PCDHA12: variants seen among roughly 807,000 people sequenced by gnomAD.
PCDHA12 encodes the protein protocadherin alpha 12.
Under a neutral mutation model 60.0 loss-of-function variants are expected in PCDHA12, and 44 were observed. That is an observed-to-expected ratio of 0.73 (90% CI 0.58 to 0.94). The LOEUF is 0.94. Ranked by LOEUF, PCDHA12 falls within the 40% of genes least tolerant of loss-of-function variation. The probability of loss-of-function intolerance (pLI) is 0.00; values close to 1 mark genes in which losing one functional copy is unlikely to be tolerated. For missense variants in PCDHA12, 1,276 were observed against 1,239.7 expected (o/e 1.03, Z -0.44); for synonymous variants, 569 against 553.0 (o/e 1.03, Z -0.40).
intron 1 of PCDHA12, among the ~76,000 whole-genome samples, chr5:140,916,214 C>A (rs1294292456): frequency 6.6e-6 from 1 of 152,266 alleles, no homozygotes; most frequent in African/African-American, 2.4e-5. Flanking sequence ...TGGGGAAGAT[C>A]CAAATATGCT....
intron 3 of PCDHA12, among the ~76,000 whole-genome samples, chr5:141,009,180 T>C (rs1272195338): frequency 6.6e-6 from 1 of 152,170 alleles, no homozygotes; most frequent in Non-Finnish European, 1.5e-5. Context: ...CTTGGCTGGG[T>C]GTGGTAGCTC....
chr5:140,879,894 T>C (rs2153369518), intron 1 of PCDHA12, among the ~76,000 whole-genome samples: 1 of 152,348 alleles, frequency 6.6e-6, no homozygotes. Context: ...CTCCTCTCCA[T>C]GTCTCTCTCT....
At chr5:140,929,484 T>G (rs1445028927) in intron 1 of PCDHA12, 9 of 1,156,262 alleles carry the variant, frequency 7.8e-6, no homozygotes, top group Non-Finnish European at 1.0e-5. Flanking sequence ...AGTATAGAAG[T>G]ATTAGAAGAT....
chr5:140,883,313 G>T, intron 1 of PCDHA12: 1 of 1,614,118 alleles, frequency 6.2e-7, no homozygotes, highest in Non-Finnish European at 8.5e-7. Context: ...TAACGCCCCA[G>T]AGGTTACCAT....
intron 1 of PCDHA12, chr5:140,927,861 C>T (rs782305822): frequency 1.2e-6 from 2 of 1,614,042 alleles, no homozygotes; most frequent in East Asian, 2.2e-5. Context: ...TAGCTAGCAC[C>T]GCTAAACTGC....
In PCDHA12 at chr5:140,877,691, T is replaced by G; in HGVS notation, c.2219T>G (p.Val740Gly). ...TGCGCGCCGGGCAAGCCCACGCTGG[T>G]GTGCTCCAGCGCCGTGGGGAGTTGG... ...SRCAPGKPTL[V>G]CSSAVGSWSY... Residue 740 changes from valine to glycine, a missense_variant, in exon 1 of 4, where the codon GTG (valine) becomes GGG (glycine). Val to Gly is a moderately radical substitution (Grantham distance 109). Coordinates refer to ENST00000398631, the MANE Select transcript of PCDHA12 (RefSeq NM_018903.4). The G allele has an allele frequency of 6.2e-7, 1 of 1,613,746 alleles. No individual in the cohort carries two copies.
At chr5:140,952,879 G>C (rs1325308016) in intron 1 of PCDHA12, among the ~76,000 whole-genome samples, 1 of 152,094 alleles carries the variant, frequency 6.6e-6, no homozygotes, top group Non-Finnish European at 1.5e-5. Context: ...TTACAATCAT[G>C]GTGGAAGGCA....
chr5:140,962,068 G>C (rs2095654419), intron 1 of PCDHA12, among the ~76,000 whole-genome samples: 1 of 151,882 alleles, frequency 6.6e-6, no homozygotes, highest in African/African-American at 2.4e-5. Context: ...GTATTTTTTA[G>C]TAGAGACGGG....
rs2098413689 is a variant in PCDHA12, at chr5:141,009,672, A to G, written c.2561A>G (p.Asn854Ser). Residue 854 changes from asparagine to serine, a missense_variant, in exon 4 of 4, where the codon AAC becomes AGC. Physicochemically the swap from Asn to Ser is conservative, Grantham distance 46. Transcript: ENST00000398631. The stretch of plus-strand genomic sequence containing the variant: ...TCCCCTCCAGTCGGTGCGGGTGTCA[A>G]CAGCAACAGCTGGACCTTTAAATAC... ...EVSPPVGAGV[N>S]SNSWTFKYGP... is the part of the protein sequence containing the mutation. 6.2e-7 allele frequency: 1 copy of G among 1,614,102 alleles called. No homozygotes were observed. The highest frequency in any genetic ancestry group is 1.1e-5 in the South Asian group (1 of 91,070).
In PCDHA12 at chr5:140,927,920, T is replaced by C. The variant is rs782193396; in HGVS notation, c.2367+50081T>C. Reference sequence around the variant, plus strand: ...GATCATGCCCCCGAACTGGACTTCCTGACTCTTTCGAACCCAGTACCTGAG... The same window carrying C: ...GATCATGCCCCCGAACTGGACTTCCCGACTCTTTCGAACCCAGTACCTGAG... On this transcript the variant is annotated intron_variant, in intron 1 of 3. Transcript: ENST00000398631. 6.2e-6 allele frequency: 10 copies of C among 1,614,120 alleles called. No individual in the cohort carries two copies. In the South Asian group the frequency reaches 1.1e-4, roughly 18 times the overall value.
Position 140,877,094 on chromosome 5 carries a change from G to C in PCDHA12, c.1622G>C (p.Gly541Ala). The C allele has an allele frequency of 6.2e-7, 1 of 1,613,310 alleles. No homozygotes were observed. The highest frequency in any genetic ancestry group is 8.5e-7 in the Non-Finnish European group (1 of 1,179,844). ...LQFQVSARDA[G>A]VPPLGSNVTL... ...TTCCAGGTGAGCGCGCGCGACGCCG[G>C]CGTGCCGCCTCTGGGCAGCAACGTG... The change falls in exon 1 of 4, where the codon GGC becomes GCC. Residue 541 changes from glycine to alanine, a missense_variant. By Grantham distance (60) the Gly-to-Ala change is moderately conservative. Transcript: ENST00000398631.
In PCDHA12 at chr5:141,010,888, T is replaced by C. The variant is rs1419215366; in HGVS notation, c.*951T>C. The stretch of plus-strand genomic sequence containing the variant: ...AGCTATAAATCTTTAAAGAGAAATA[T>C]GAATACAATTCCCCTAAACTCTCCT... On this transcript the variant is annotated 3_prime_UTR_variant, in exon 4 of 4. Transcript: ENST00000398631. The C allele has an allele frequency of 3.9e-5, 6 of 153,866 alleles. 1 individual carries two copies. The highest frequency in any genetic ancestry group is 1.4e-4 in the African/African-American group (6 of 41,562). The allele number at this position is 153,866 out of a possible 1,614,324, so 9.5% of individuals were successfully genotyped here. A position where few individuals can be genotyped will look rare whatever the true frequency, so the allele number is the denominator to read the frequency against.
At chr5:140,956,924 G>A (rs2095321295) in intron 1 of PCDHA12, among the ~76,000 whole-genome samples, 2 of 151,898 alleles carry the variant, frequency 1.3e-5, no homozygotes, top group Non-Finnish European at 2.9e-5. Flanking sequence ...TAATCTTGCT[G>A]GATATAGGAT....
chr5:140,982,499 C>T lies in PCDHA12; in HGVS notation c.2451C>T (p.Gly817=). The T allele has an allele frequency of 6.2e-7, 1 of 1,614,184 alleles. No individual in the cohort carries two copies. The highest frequency in any genetic ancestry group is 8.5e-7 in the Non-Finnish European group (1 of 1,180,024). The part of the protein sequence containing the change: ...MHSSVHLEEA[G]ILRAGPGGPD... Reference sequence around the variant, plus strand: ...GCTCTGTGCACCTAGAGGAGGCTGGCATTCTACGGGCTGGTCCAGGAGGGC... The same window carrying T: ...GCTCTGTGCACCTAGAGGAGGCTGGTATTCTACGGGCTGGTCCAGGAGGGC... The change falls in exon 3 of 4, where the codon GGC becomes GGT. Residue 817 remains glycine (G), a synonymous_variant. Transcript: ENST00000398631.
At chr5:140,985,487 A>C (rs1554247112) in intron 3 of PCDHA12, among the ~76,000 whole-genome samples, 1 of 152,162 alleles carries the variant, frequency 6.6e-6, no homozygotes, top group Non-Finnish European at 1.5e-5. Context: ...TCCAGACTCA[A>C]ATAGAGCCTG....
intron 1 of PCDHA12, chr5:140,967,530 C>T: frequency 6.2e-7 from 1 of 1,613,178 alleles, no homozygotes; most frequent in Non-Finnish European, 8.5e-7. Flanking sequence ...GACAACTCTC[C>T]TGCCTTTGAC....
chr5:140,943,420 G>T (rs1197382156), intron 1 of PCDHA12, among the ~76,000 whole-genome samples: 1 of 152,040 alleles, frequency 6.6e-6, no homozygotes, highest in Non-Finnish European at 1.5e-5. Context: ...AGAGGCAAGG[G>T]CTTTAATATG....
chr5:140,937,089 G>A (rs2091320544), intron 1 of PCDHA12, among the ~76,000 whole-genome samples: 1 of 149,070 alleles, frequency 6.7e-6, no homozygotes, highest in African/African-American at 2.5e-5. Context: ...CCAGGCTGGA[G>A]TGCAGTGGCG....
chr5:140,945,183 A>G (rs1445694327), intron 1 of PCDHA12, among the ~76,000 whole-genome samples: 6 of 152,160 alleles, frequency 3.9e-5, no homozygotes, highest in Admixed American at 2.6e-4. Context: ...TAAATCAAGA[A>G]AACCATGCTA....
Sources: allele counts gnomAD v4.1 joint callset (sites outside exome capture counted in the v4.1 genomes callset), GRCh38; gene constraint gnomAD v4.1.1; transcripts MANE v1.5; gene names NCBI Gene and HGNC (gene_info 2026-07-23, HGNC 2026-07-21).